The following MAP3K9 variants were observed in gnomAD, a reference collection of about 807,000 sequenced individuals.
The protein encoded by MAP3K9 is mitogen-activated protein kinase kinase kinase 9, also known as mixed lineage kinase 1 (tyr and ser/thr specificity).
In MAP3K9, 46 loss-of-function variants were observed where a neutral mutation model predicts 95.8. That is an observed-to-expected ratio of 0.48 (90% CI 0.38 to 0.61). The LOEUF (loss-of-function observed/expected upper bound fraction) is 0.61, where lower values mean the gene tolerates loss of function less well. Ranked by LOEUF, MAP3K9 falls within the 20% of genes least tolerant of loss-of-function variation. MAP3K9 has a pLI of 0.00. For missense variants in MAP3K9, 1,296 were observed against 1,474.3 expected (o/e 0.88, Z 1.98); for synonymous variants, 533 against 593.8 (o/e 0.90, Z 1.49).
intron 2 of MAP3K9, among the ~76,000 whole-genome samples, chr14:70,790,738 C>T (rs770043398): frequency 3.3e-5 from 5 of 152,168 alleles, no homozygotes; most frequent in South Asian, 4.1e-4. Flanking sequence ...CTACAAGAGG[C>T]TGTCAGGGGT....
At chr14:70,784,466 G>A (rs10131177) in intron 2 of MAP3K9, among the ~76,000 whole-genome samples, 45,941 of 152,012 alleles carry the variant, frequency 0.3, 7,186 homozygotes, top group Admixed American at 0.34. Context: ...GCTGAAGCCG[G>A]GCACAGTGGC....
intron 10 of MAP3K9, among the ~76,000 whole-genome samples, chr14:70,734,169 T>A (rs1027212922): frequency 6.6e-6 from 1 of 152,256 alleles, no homozygotes; most frequent in Non-Finnish European, 1.5e-5. Flanking sequence ...TTGGTTGCTA[T>A]TGGTTCTCTC....
rs1355739175 is a variant in MAP3K9 at position 70,730,405 on chromosome 14, T to C, written c.3290A>G (p.Glu1097Gly). Residue 1097 changes from glutamate (E) to glycine (G), a missense_variant, in exon 12 of 12, where the codon GAG becomes GGG. Physicochemically the swap from Glu to Gly is moderately conservative, Grantham distance 98 (BLOSUM62 -2). This residue lies in a region of MAP3K9 where 433 missense variants were observed against 441.4 expected (regional missense o/e 0.98). Coordinates refer to ENST00000554752, the MANE Select transcript of MAP3K9 (RefSeq NM_001284230.2). ...CTAAGACCAGAACTCCTGCTGGATC[T>C]CATAAGGGGCAGGCCTGTGTGTGTT... ...ELNTHRPAPYEIQQEFWS is the reference protein window; with the variant it reads ...ELNTHRPAPYGIQQEFWS The C allele has an allele frequency of 6.2e-7, 1 of 1,608,398 alleles. No individual in the cohort carries two copies. Among genetic ancestry groups the C allele is most frequent in the Non-Finnish European group, 8.5e-7 (1 of 1,175,330 alleles).
intron 3 of MAP3K9, among the ~76,000 whole-genome samples, chr14:70,758,396 A>T (rs1415234124): frequency 6.6e-6 from 1 of 152,240 alleles, no homozygotes; most frequent in Non-Finnish European, 1.5e-5. Flanking sequence ...AAAAGGCAAT[A>T]ACAAGTATTG....
intron 2 of MAP3K9, among the ~76,000 whole-genome samples, chr14:70,787,507 CA>C (rs66469021): frequency 0.5 from 62,469 of 126,032 alleles, 14,010 homozygotes; most frequent in South Asian, 0.61. Flanking sequence ...GACTCTGTCT[CA>C]AAAAAAAAAA....
rs397840789 is a variant in MAP3K9 at position 70,809,056 on chromosome 14, G to GCCT, written c.113_115dup (p.Glu38dup). The GCCT allele has an allele frequency of 9.3e-4, 1,321 of 1,422,720 alleles. No homozygotes were observed. The highest frequency in any genetic ancestry group is 1.0e-3 in the Non-Finnish European group (1,135 of 1,089,822). 88.1% of individuals were successfully genotyped at this position (1,422,720 alleles called of 1,614,324 possible). On this transcript the variant is annotated inframe_insertion, in exon 1 of 12. Coordinates refer to ENST00000554752, the MANE Select transcript of MAP3K9 (RefSeq NM_001284230.2). ...CTCCCCGGGGCCCACCGCCGCCGCCGCCTCCTCCTCCTCCTCCTCCTCCTC... is the reference window on the plus strand; with the variant it reads ...CTCCCCGGGGCCCACCGCCGCCGCCGCCTCCTCCTCCTCCTCCTCCTCCTCCTC...
At chr14:70,738,940 T>G (rs917261820) in intron 7 of MAP3K9, among the ~76,000 whole-genome samples, 2 of 152,160 alleles carry the variant, frequency 1.3e-5, no homozygotes, top group Non-Finnish European at 2.9e-5. Context: ...GAGCAAGGGT[T>G]GAGACCCAAA....
intron 3 of MAP3K9, among the ~76,000 whole-genome samples, chr14:70,755,013 C>T (rs1423493420): frequency 6.6e-6 from 1 of 152,194 alleles, no homozygotes; most frequent in African/African-American, 2.4e-5. Flanking sequence ...TCCATCACAA[C>T]ATTTGCAGGA....
chr14:70,796,649 G>C lies in MAP3K9; in HGVS notation c.820+4018C>G, dbSNP rs1004459179. Reference sequence around the variant, plus strand: ...TAACACAAGCACATACGCCATGCTGGACTTCCGGGAGATTAATGGGAGCCA... The same window carrying C: ...TAACACAAGCACATACGCCATGCTGCACTTCCGGGAGATTAATGGGAGCCA... On this transcript the variant is annotated intron_variant, in intron 2 of 11. Coordinates refer to ENST00000554752, the MANE Select transcript of MAP3K9 (RefSeq NM_001284230.2). 3.9e-5 allele frequency among the ~76,000 whole-genome samples: 6 copies of C among 152,310 alleles called. No individual in the cohort carries two copies. The East Asian group carries it at 1.2e-3, about 29-fold the overall frequency.
chr14:70,766,713 G>T (rs561691762), intron 2 of MAP3K9, among the ~76,000 whole-genome samples: 1 of 152,152 alleles, frequency 6.6e-6, no homozygotes, highest in Non-Finnish European at 1.5e-5. Context: ...TGAGGGATGG[G>T]GAAGGGAATC....
intron 2 of MAP3K9, among the ~76,000 whole-genome samples, chr14:70,766,066 G>A (rs889242530): frequency 8.2e-4 from 124 of 152,104 alleles, no homozygotes; most frequent in African/African-American, 2.8e-3. Context: ...GGAGAAGGAA[G>A]ACATCTCCAG....
intron 2 of MAP3K9, among the ~76,000 whole-genome samples, chr14:70,791,578 C>A (rs1468845636): frequency 6.6e-6 from 1 of 152,248 alleles, no homozygotes; most frequent in Non-Finnish European, 1.5e-5. Flanking sequence ...TCCCAGGAGG[C>A]CACACTGTAC....
chr14:70,784,010 G>A (rs1460958145), intron 2 of MAP3K9, among the ~76,000 whole-genome samples: 3 of 152,230 alleles, frequency 2.0e-5, no homozygotes, highest in South Asian at 4.1e-4. Context: ...ACGGCCAGGC[G>A]CAGTGGCTCA....
At chr14:70,794,101 C>T (rs2054835825) in intron 2 of MAP3K9, among the ~76,000 whole-genome samples, 1 of 152,158 alleles carries the variant, frequency 6.6e-6, no homozygotes, top group Admixed American at 6.5e-5. Flanking sequence ...AAGGGTTGGA[C>T]AGGCAGAGAG....
intron 11 of MAP3K9, among the ~76,000 whole-genome samples, chr14:70,731,666 C>T (rs766546763): frequency 7.9e-5 from 12 of 152,132 alleles, no homozygotes; most frequent in Admixed American, 2.0e-4. Flanking sequence ...AAACATGTGA[C>T]GGGAACAGAG....
intron 2 of MAP3K9, among the ~76,000 whole-genome samples, chr14:70,797,754 A>G (rs565522583): frequency 6.6e-6 from 1 of 152,282 alleles, no homozygotes; most frequent in Non-Finnish European, 1.5e-5. Context: ...TAAATAAAAT[A>G]CAATCATTTT....
At chr14:70,802,793 G>T (rs1213541296) in intron 1 of MAP3K9, among the ~76,000 whole-genome samples, 1 of 152,160 alleles carries the variant, frequency 6.6e-6, no homozygotes, top group African/African-American at 2.4e-5. Flanking sequence ...GATTCTGTCT[G>T]CCCTATTCAC....
At chr14:70,772,753 T>A (rs1027922728) in intron 2 of MAP3K9, among the ~76,000 whole-genome samples, 3 of 152,132 alleles carry the variant, frequency 2.0e-5, no homozygotes, top group African/African-American at 4.8e-5. Flanking sequence ...GTTTATGGAG[T>A]CCTTCCAACA....
chr14:70,808,725 C>G (rs907769255), intron 1 of MAP3K9, 41 bp downstream of exon 1: 41 of 1,335,390 alleles, frequency 3.1e-5, no homozygotes, highest in Non-Finnish European at 3.9e-5. Context: ...CCCCAGGCCT[C>G]CGTCATTCCC....
Sources: gnomAD v4.1 joint callset for allele counts (sites outside exome capture counted in the v4.1 genomes callset) on GRCh38, gnomAD v4.1.1 for gene constraint, gnomAD v4.1.1 regional missense constraint, MANE v1.5 for transcripts, NCBI Gene and HGNC (gene_info 2026-07-23, HGNC 2026-07-21) for gene names.